Variants in PDIA6 observed in about 807,000 individuals in gnomAD.
PDIA6 encodes protein disulfide-isomerase A6.
In PDIA6, 29 loss-of-function variants were observed where a neutral mutation model predicts 58.4. The observed-to-expected ratio is 0.50, with a 90% CI of 0.37 to 0.68. The LOEUF is 0.68. Ranked by LOEUF, PDIA6 falls within the 30% of genes least tolerant of loss-of-function variation. The probability of loss-of-function intolerance (pLI) is 0.00; values close to 1 mark genes in which losing one functional copy is unlikely to be tolerated. For synonymous variants in PDIA6, 192 were observed against 202.6 expected (o/e 0.95, Z 0.44); for missense variants, 480 against 551.0 (o/e 0.87, Z 1.29).
At chr2:10,798,205 A>C (rs1366236635) in intron 2 of PDIA6, among the ~76,000 whole-genome samples, 1 of 152,016 alleles carries the variant, frequency 6.6e-6, no homozygotes, top group African/African-American at 2.4e-5. Flanking sequence ...AATAAAAATA[A>C]ATAAGTAAAA....
chr2:10,828,905 T>C (rs1301512394), intron 1 of PDIA6, among the ~76,000 whole-genome samples: 1 of 152,130 alleles, frequency 6.6e-6, no homozygotes, highest in Non-Finnish European at 1.5e-5. Context: ...GCTTCCTCCT[T>C]GCCTGCTAGG....
intron 1 of PDIA6, chr2:10,810,489 T>C (rs114146804): frequency 0.019 from 24,170 of 1,302,750 alleles, 302 homozygotes; most frequent in African/African-American, 0.056. Flanking sequence ...ATAAAGACGC[T>C]CTTTACTGAC....
At chr2:10,837,466 G>A, upstream of PDIA6, 1 of 682,374 alleles carries the variant, frequency 1.5e-6, no homozygotes, top group Non-Finnish European at 2.7e-6. Flanking sequence ...AAGCCAGGGA[G>A]AGGTTGGTAT....
intron 11 of PDIA6, among the ~76,000 whole-genome samples, chr2:10,785,920 G>A (rs1010490895): frequency 6.6e-6 from 1 of 152,156 alleles, no homozygotes; most frequent in African/African-American, 2.4e-5. Context: ...CACCGTGGTG[G>A]CCAGCCTGGT....
intron 2 of PDIA6, among the ~76,000 whole-genome samples, chr2:10,800,606 T>C (rs1187438869): frequency 6.6e-6 from 1 of 151,732 alleles, no homozygotes; most frequent in Non-Finnish European, 1.5e-5. Context: ...GAGATCTTTT[T>C]TTTTTTCTTT....
chr2:10,825,879 G>T (rs574593475), intron 1 of PDIA6, among the ~76,000 whole-genome samples: 28 of 152,314 alleles, frequency 1.8e-4, no homozygotes, highest in African/African-American at 6.5e-4. Context: ...CGGCTTTTGG[G>T]AATGTAAAAT....
chr2:10,826,700 A>G (rs1667565895), intron 1 of PDIA6, among the ~76,000 whole-genome samples: 1 of 152,158 alleles, frequency 6.6e-6, no homozygotes, highest in African/African-American at 2.4e-5. Context: ...TGGTGTGTGG[A>G]TTATATCTCA....
In PDIA6 at chr2:10,784,032, G is replaced by C. The variant is rs1665568349; in HGVS notation, c.*226C>G. On this transcript the variant is annotated 3_prime_UTR_variant, in exon 13 of 13. Transcript: ENST00000272227. The stretch of plus-strand genomic sequence containing the variant: ...GTTTTCTTCAAAATATTATGTGACA[G>C]AATACGACTCAATTCACCGGCTACA... 1 of 377,182 alleles carries C rather than the reference G, an allele frequency of 2.7e-6. No individual in the cohort carries two copies. The highest frequency in any genetic ancestry group is 2.1e-5 in the African/African-American group (1 of 48,106). 23.4% of individuals were successfully genotyped at this position (377,182 alleles called of 1,614,324 possible).
chr2:10,792,988 G>C, intron 5 of PDIA6, 108 bp downstream of exon 5: 1 of 737,616 alleles, frequency 1.4e-6, no homozygotes, highest in Admixed American at 2.1e-5. Flanking sequence ...TTCTTTAATT[G>C]AGAGTTCACC....
upstream of PDIA6, among the ~76,000 whole-genome samples, chr2:10,816,565 A>G (rs1437429386): frequency 8.1e-5 from 12 of 147,280 alleles, no homozygotes; most frequent in East Asian, 2.1e-3. Context: ...GGAAGCACAC[A>G]ATTCCACCTC....
At chr2:10,828,602 C>A (rs1414989043) in intron 1 of PDIA6, among the ~76,000 whole-genome samples, 2 of 152,254 alleles carry the variant, frequency 1.3e-5, no homozygotes, top group African/African-American at 4.8e-5. Flanking sequence ...CAGTGCCAGT[C>A]TCCTGCTAGC....
chr2:10,834,724 T>TTCCC (rs1558468723), upstream of PDIA6, among the ~76,000 whole-genome samples: 1 of 16,700 alleles, frequency 6.0e-5, no homozygotes, highest in African/African-American at 1.9e-4. Flanking sequence ...CCTCCCTCCC[T>TTCCC]TCCTTCCCTC....
chr2:10,808,241 C>T (rs897960202), intron 1 of PDIA6, among the ~76,000 whole-genome samples: 1 of 152,104 alleles, frequency 6.6e-6, no homozygotes, highest in Non-Finnish European at 1.5e-5. Flanking sequence ...TCACATAAAC[C>T]AAGATACATG....
chr2:10,802,056 A>G (rs780416307), intron 2 of PDIA6, among the ~76,000 whole-genome samples: 5 of 152,260 alleles, frequency 3.3e-5, no homozygotes, highest in Non-Finnish European at 5.9e-5. Flanking sequence ...AACTAGTGCA[A>G]TGTTGTACTT....
Position 10,788,995 on chromosome 2 carries a change from A to G in PDIA6, c.841-14T>C. On this transcript the variant is annotated splice_polypyrimidine_tract_variant and intron_variant, in intron 8 of 12. Transcript: ENST00000272227. ...CTCGTTGATAATCTGTGGGACCCAA[A>G]AGACAAGGGACAATCAGGAGGCTGC... 6.2e-7 allele frequency: 1 copy of G among 1,605,704 alleles called. No homozygotes were observed.
At chr2:10,811,343 A>G (rs944589960) in intron 1 of PDIA6, among the ~76,000 whole-genome samples, 2 of 152,212 alleles carry the variant, frequency 1.3e-5, no homozygotes, top group African/African-American at 4.8e-5. Flanking sequence ...CAACCTGAGC[A>G]ATACAATGAG....
rs543390911 is a variant in PDIA6, at chr2:10,830,553, G to T, written c.-48+1649C>A. 8.5e-5 allele frequency among the ~76,000 whole-genome samples: 13 copies of T among 152,314 alleles called. No homozygotes were observed. The South Asian group carries it at 2.7e-3, about 32-fold the overall frequency. On this transcript the variant is annotated intron_variant, in intron 1 of 13. Transcript: ENST00000381611. ...GGCGGCCTGGGGAGTGCAGCCAAGG[G>T]ACAAAAGAGGATTCTAAGTTGTTTT...
chr2:10,794,447 A>AG (rs1262610005), intron 4 of PDIA6, among the ~76,000 whole-genome samples: 4 of 87,396 alleles, frequency 4.6e-5, no homozygotes, highest in African/African-American at 1.6e-4. Context: ...CTCTGTGTCA[A>AG]GAAAAAAAAA....
At chr2:10,794,394 T>C (rs60116713) in intron 4 of PDIA6, among the ~76,000 whole-genome samples, 12,057 of 146,732 alleles carry the variant, frequency 0.082, 1,673 homozygotes, top group African/African-American at 0.29. Flanking sequence ...TGCAGTGAGC[T>C]GACATCGCGC....
Sources: allele counts gnomAD v4.1 joint callset (sites outside exome capture counted in the v4.1 genomes callset), GRCh38; gene constraint gnomAD v4.1.1; transcripts MANE v1.5; gene names NCBI Gene and HGNC (gene_info 2026-07-23, HGNC 2026-07-21).